KCNK13: variants seen among roughly 807,000 people sequenced by gnomAD.
KCNK13 encodes the protein potassium two pore domain channel subfamily K member 13.
A neutral mutation model predicts 23.4 loss-of-function variants in KCNK13; 12 were observed. That is an observed-to-expected ratio of 0.51 (90% CI 0.33 to 0.83). The LOEUF (loss-of-function observed/expected upper bound fraction) is 0.83, where lower values mean the gene tolerates loss of function less well. Among genes scored for constraint, KCNK13 ranks in the 40% least tolerant of loss-of-function variants. The probability of loss-of-function intolerance (pLI) is 0.02; values close to 1 mark genes in which losing one functional copy is unlikely to be tolerated. For synonymous variants in KCNK13, 231 were observed against 229.5 expected, an observed-to-expected ratio of 1.01 and a Z score of -0.06; for missense variants, 463 against 556.3, an observed-to-expected ratio of 0.83 and a Z score of 1.69.
At chr14:90,079,727 G>A (rs1432982417) in intron 1 of KCNK13, among the ~76,000 whole-genome samples, 2 of 152,194 alleles carry the variant, frequency 1.3e-5, no homozygotes, top group Non-Finnish European at 2.9e-5. Flanking sequence ...AAGAAATGAA[G>A]TCTTTATTCC....
rs59863610 is a variant in KCNK13, at chr14:90,142,313, C to CTTTTTTTT, written c.335-41782_335-41775dup. Among the ~76,000 whole-genome samples, 24 of 85,248 alleles carry CTTTTTTTT rather than the reference C, an allele frequency of 2.8e-4. 2 individuals carry two copies. Among genetic ancestry groups the CTTTTTTTT allele is most frequent in the Admixed American group, 5.5e-4 (3 of 5,468 alleles). The allele number at this position is 85,248 out of a possible 152,430, so 55.9% of individuals were successfully genotyped here. Reference sequence around the variant, plus strand: ...GTTTTCTTGTTTTGGCTGTCCAATTCTTTTTTTTTTTTTTTTTTTTTTTGA... The same window carrying CTTTTTTTT: ...GTTTTCTTGTTTTGGCTGTCCAATTCTTTTTTTTTTTTTTTTTTTTTTTTTTTTTTTGA... On this transcript the variant is annotated intron_variant, in intron 1 of 1. Coordinates refer to ENST00000282146, the MANE Select transcript of KCNK13 (RefSeq NM_022054.4).
intron 1 of KCNK13, among the ~76,000 whole-genome samples, chr14:90,142,365 CTG>C (rs1890018843): frequency 8.7e-6 from 1 of 115,602 alleles, no homozygotes; most frequent in Non-Finnish European, 1.6e-5. Flanking sequence ...GTCACCCAGA[CTG>C]GAGTGCAGTG....
rs117139905 is a variant in KCNK13, at chr14:90,158,121, G to A, written c.335-25990G>A. Among the ~76,000 whole-genome samples, 17 of 152,338 alleles carry A rather than the reference G, an allele frequency of 1.1e-4. No individual in the cohort carries two copies. In the East Asian group the frequency reaches 3.3e-3, roughly 29 times the overall value. On this transcript the variant is annotated intron_variant, in intron 1 of 1. Transcript: ENST00000282146. The stretch of plus-strand genomic sequence containing the variant: ...AGCTGAACAAACCTTCAGGCTGATT[G>A]CAGGTTAGAAGGGAGGCGACCACAG...
At chr14:90,111,169 C>T (rs867789603) in intron 1 of KCNK13, among the ~76,000 whole-genome samples, 1 of 152,160 alleles carries the variant, frequency 6.6e-6, no homozygotes. Flanking sequence ...CCAGATCTTG[C>T]GGATCTTTGC....
At chr14:90,143,897 C>T (rs1890042967) in intron 1 of KCNK13, among the ~76,000 whole-genome samples, 1 of 152,196 alleles carries the variant, frequency 6.6e-6, no homozygotes, top group Admixed American at 6.5e-5. Flanking sequence ...CTATTTGTCA[C>T]AAAGGCAAAT....
chr14:90,156,833 G>C (rs1003351614), intron 1 of KCNK13, among the ~76,000 whole-genome samples: 3 of 152,146 alleles, frequency 2.0e-5, no homozygotes, highest in African/African-American at 7.2e-5. Flanking sequence ...CATGCAGGAG[G>C]CCACCTGCTC....
At chr14:90,091,985 G>A (rs115483210) in intron 1 of KCNK13, among the ~76,000 whole-genome samples, 2,199 of 148,584 alleles carry the variant, frequency 0.015, 59 homozygotes, top group African/African-American at 0.052. Context: ...GGAGTGCAGC[G>A]ATCTCAGCTC....
At chr14:90,156,593 C>T (rs1289957666) in intron 1 of KCNK13, among the ~76,000 whole-genome samples, 1 of 152,082 alleles carries the variant, frequency 6.6e-6, no homozygotes, top group African/African-American at 2.4e-5. Context: ...AACTGTGAGC[C>T]AGGGACTGAA....
chr14:90,162,817 T>G (rs1447054897), intron 1 of KCNK13, among the ~76,000 whole-genome samples: 1 of 152,190 alleles, frequency 6.6e-6, no homozygotes, highest in Non-Finnish European at 1.5e-5. Context: ...CAGCAAAACA[T>G]TTATGCACAA....
At chr14:90,144,752 C>G (rs988206857) in intron 1 of KCNK13, among the ~76,000 whole-genome samples, 2 of 152,026 alleles carry the variant, frequency 1.3e-5, no homozygotes, top group Non-Finnish European at 2.9e-5. Context: ...AACCACCATG[C>G]CTGGCCTCTG....
chr14:90,171,239 A>C (rs1890361321), intron 1 of KCNK13, among the ~76,000 whole-genome samples: 1 of 152,206 alleles, frequency 6.6e-6, no homozygotes, highest in Admixed American at 6.5e-5. Context: ...TATTCTGTAC[A>C]CAGGAGCCCC....
intron 1 of KCNK13, among the ~76,000 whole-genome samples, chr14:90,081,425 G>C (rs1889208505): frequency 1.3e-5 from 2 of 152,222 alleles, no homozygotes; most frequent in African/African-American, 4.8e-5. Flanking sequence ...AGAGTTGGAT[G>C]TGGATCTTTC....
In KCNK13 at chr14:90,184,282, G is replaced by A; in HGVS notation, c.506G>A (p.Gly169Glu). 6.2e-7 allele frequency: 1 copy of A among 1,614,230 alleles called. No homozygotes were observed. ...CACCAGCGGCAGCTCCGGAGACGAG[G>A]GGCCCTGCCCCAGGAGAGCCTGAAG... is the stretch of plus-strand genomic sequence containing the variant. ...SCHQRQLRRRGALPQESLKDA... is the reference protein window; with the variant it reads ...SCHQRQLRRREALPQESLKDA... The change falls in exon 2 of 2, where the codon GGG becomes GAG. Residue 169 changes from glycine (G) to glutamate (E), a missense_variant. Physicochemically the swap from Gly to Glu is moderately conservative, Grantham distance 98. Coordinates refer to ENST00000282146, the MANE Select transcript of KCNK13 (RefSeq NM_022054.4). This position sits in a 1 kb window ranked among gnomAD's most constrained non-coding sequence, Gnocchi z 5.6.
At chr14:90,154,550 A>T (rs1242545939) in intron 1 of KCNK13, among the ~76,000 whole-genome samples, 1 of 152,224 alleles carries the variant, frequency 6.6e-6, no homozygotes, top group African/African-American at 2.4e-5. Context: ...CCCATCCTGC[A>T]GTCTGTTTCC....
At chr14:90,135,372 G>A (rs1376468477) in intron 1 of KCNK13, among the ~76,000 whole-genome samples, 1 of 152,200 alleles carries the variant, frequency 6.6e-6, no homozygotes, top group African/African-American at 2.4e-5. Context: ...TGAGGACCAA[G>A]GGAAGGGAGG....
chr14:90,089,980 A>C (rs1316010488), intron 1 of KCNK13, among the ~76,000 whole-genome samples: 1 of 152,214 alleles, frequency 6.6e-6, no homozygotes, highest in Non-Finnish European at 1.5e-5. Flanking sequence ...GTTTGCTTGA[A>C]GGGGCGGGGC....
intron 1 of KCNK13, among the ~76,000 whole-genome samples, chr14:90,160,800 G>A (rs907993947): frequency 2.0e-4 from 30 of 149,466 alleles, no homozygotes; most frequent in African/African-American, 7.4e-4. Context: ...CCAAGATCGC[G>A]CCATTGGACA....
intron 1 of KCNK13, among the ~76,000 whole-genome samples, chr14:90,069,902 A>G (rs1889053537): frequency 1.3e-5 from 2 of 152,222 alleles, no homozygotes; most frequent in African/African-American, 4.8e-5. Context: ...AAAGTGGCAG[A>G]GTTAGAATTA....
At chr14:90,081,120 A>T (rs575967748) in intron 1 of KCNK13, among the ~76,000 whole-genome samples, 2 of 152,248 alleles carry the variant, frequency 1.3e-5, no homozygotes, top group Non-Finnish European at 2.9e-5. Flanking sequence ...CCAAAGAGGA[A>T]TAAGTCCAGG....
Sources: allele counts gnomAD v4.1 joint callset (sites outside exome capture counted in the v4.1 genomes callset), GRCh38; gene constraint gnomAD v4.1.1; non-coding constraint Gnocchi (gnomAD v3.1); transcripts MANE v1.5; gene names NCBI Gene and HGNC (gene_info 2026-07-23, HGNC 2026-07-21).